Variants in CD226 observed in about 807,000 individuals in gnomAD.
CD226 encodes CD226 molecule.
Under a neutral mutation model 34.9 loss-of-function variants are expected in CD226, and 24 were observed. The observed-to-expected ratio is 0.69, with a 90% confidence interval of 0.50 to 0.97. The LOEUF is 0.97. CD226 is among the 50% of genes least tolerant of loss of function. The pLI is 0.00. For synonymous variants in CD226, 148 were observed against 147.4 expected, an observed-to-expected ratio of 1.00 and a Z score of -0.03; for missense variants, 397 against 412.7, an observed-to-expected ratio of 0.96 and a Z score of 0.33.
At position 69,924,942 on chromosome 18, in the gene CD226, ATTCGT is replaced by A. The variant is rs1363966103; in HGVS notation, c.382+21787_382+21791del. Among the ~76,000 whole-genome samples the A allele has an allele frequency of 2.6e-5, 4 of 152,310 alleles. No individual in the cohort carries two copies. In the South Asian group the frequency reaches 6.2e-4, roughly 24 times the overall value. The stretch of plus-strand genomic sequence containing the variant: ...ACAGAGTAACAAGGACACTAAAGGG[ATTCGT>A]TTCATCTTTTTGGAAAAAGTGATTA... On this transcript the variant is annotated intron_variant, in intron 2 of 5. Coordinates refer to ENST00000582621, the MANE Select transcript of CD226 (RefSeq NM_001303618.2).
intron 3 of CD226, among the ~76,000 whole-genome samples, chr18:69,891,578 T>C (rs1314452661): frequency 1.3e-5 from 2 of 152,106 alleles, no homozygotes; most frequent in Admixed American, 6.5e-5. Context: ...ATCATATATG[T>C]ATAAAACCCT....
intron 2 of CD226, among the ~76,000 whole-genome samples, chr18:69,907,339 T>C (rs1400583427): frequency 1.3e-5 from 2 of 152,316 alleles, no homozygotes; most frequent in South Asian, 2.1e-4. Flanking sequence ...GTTTTTCAGA[T>C]GGAGTCCCAC....
intron 3 of CD226, among the ~76,000 whole-genome samples, chr18:69,873,876 A>G (rs572153184): frequency 1.1e-3 from 164 of 152,356 alleles, no homozygotes; most frequent in Non-Finnish European, 2.0e-3. Flanking sequence ...ATGTAAAAAT[A>G]AATAAAATAG....
chr18:69,878,312 C>T (rs1568163444), intron 3 of CD226, among the ~76,000 whole-genome samples: 1 of 152,028 alleles, frequency 6.6e-6, no homozygotes. Context: ...AAGATAAATA[C>T]AGTTAAAACA....
chr18:69,864,300 T>C lies in CD226; in HGVS notation c.*14A>G, dbSNP rs200959714. 4.9e-4 allele frequency: 791 copies of C among 1,613,580 alleles called. No homozygotes were observed. The highest frequency in any genetic ancestry group is 5.5e-4 in the Non-Finnish European group (649 of 1,179,676). ...ATAAGAGTCATTACTAATGCACTCA[T>C]GTCAAGAATAAGCTTAAACTCTAGT... On this transcript the variant is annotated 3_prime_UTR_variant, in exon 6 of 6. Coordinates refer to ENST00000582621, the MANE Select transcript of CD226 (RefSeq NM_001303618.2).
At chr18:69,948,015 C>T (rs377385939), upstream of CD226, among the ~76,000 whole-genome samples, 44 of 152,224 alleles carry the variant, frequency 2.9e-4, no homozygotes, top group African/African-American at 9.9e-4. Flanking sequence ...AAAAACAGAT[C>T]AAAAGCCCAT....
chr18:69,956,381 T>G (rs560329743), intron 1 of CD226, among the ~76,000 whole-genome samples: 1 of 152,274 alleles, frequency 6.6e-6, no homozygotes, highest in East Asian at 1.9e-4. Flanking sequence ...ACATTTATTA[T>G]TTAAGTTCAT....
chr18:69,902,140 G>A (rs2055194321), intron 2 of CD226, among the ~76,000 whole-genome samples: 1 of 152,114 alleles, frequency 6.6e-6, no homozygotes, highest in South Asian at 2.1e-4. Context: ...CATTTTTCAT[G>A]CCAGAACACC....
At chr18:69,869,261 C>T (rs951997893) in intron 4 of CD226, among the ~76,000 whole-genome samples, 5 of 152,292 alleles carry the variant, frequency 3.3e-5, no homozygotes, top group South Asian at 2.1e-4. Flanking sequence ...CCTCAATACC[C>T]GTCAATGATA....
intron 2 of CD226, among the ~76,000 whole-genome samples, chr18:69,938,058 A>G (rs1355965228): frequency 6.6e-6 from 1 of 152,220 alleles, no homozygotes; most frequent in East Asian, 1.9e-4. Flanking sequence ...AAGGAGCCTC[A>G]TCCCACCTGG....
intron 2 of CD226, among the ~76,000 whole-genome samples, chr18:69,916,819 T>C (rs1295078666): frequency 6.6e-6 from 1 of 152,220 alleles, no homozygotes; most frequent in African/African-American, 2.4e-5. Context: ...TTAAGGGATG[T>C]TGAGAGAGCA....
chr18:69,871,697 G>A (rs988453174), intron 4 of CD226, among the ~76,000 whole-genome samples: 3 of 152,326 alleles, frequency 2.0e-5, no homozygotes, highest in African/African-American at 7.2e-5. Context: ...ACCAGATGGG[G>A]AGAGCAATGG....
intron 2 of CD226, among the ~76,000 whole-genome samples, chr18:69,910,895 A>G (rs1321526167): frequency 6.6e-6 from 1 of 152,188 alleles, no homozygotes; most frequent in Admixed American, 6.5e-5. Context: ...ATGGTAGAGC[A>G]GAAGGAATGT....
At chr18:69,928,534 G>A (rs2055551390) in intron 2 of CD226, among the ~76,000 whole-genome samples, 1 of 152,148 alleles carries the variant, frequency 6.6e-6, no homozygotes, top group African/African-American at 2.4e-5. Context: ...CCTGTTTTAG[G>A]GGTGGGACAA....
chr18:69,920,975 G>C (rs576394921), intron 2 of CD226, among the ~76,000 whole-genome samples: 265 of 152,278 alleles, frequency 1.7e-3, no homozygotes, highest in African/African-American at 6.2e-3. Flanking sequence ...ACTCAGCCCT[G>C]TGTATTTGTC....
chr18:69,873,489 A>G (rs1330986345), intron 3 of CD226, among the ~76,000 whole-genome samples: 1 of 152,218 alleles, frequency 6.6e-6, no homozygotes, highest in Middle Eastern at 3.4e-3. Flanking sequence ...ATTACAAAAA[A>G]AAAAAATATA....
chr18:69,897,703 G>A (rs779787153), intron 2 of CD226, among the ~76,000 whole-genome samples: 28 of 152,174 alleles, frequency 1.8e-4, no homozygotes, highest in Non-Finnish European at 3.8e-4. Context: ...AAGAAAAAAG[G>A]AAGGAAAGGA....
rs552189871 is a variant in CD226 at position 69,895,566 on chromosome 18, C to A, written c.727+135G>T. 8.7e-6 allele frequency: 6 copies of A among 687,144 alleles called. No homozygotes were observed. The South Asian group carries it at 1.1e-4, about 12-fold the overall frequency. The allele number at this position is 687,144 out of a possible 1,614,324, so 42.6% of individuals were successfully genotyped here. A position where few individuals can be genotyped will look rare whatever the true frequency, so the allele number is the denominator to read the frequency against. Reference sequence around the variant, plus strand: ...AATACTAGAATAATGGCCAACTCACCTAAATTCAGCCATTTAAAAAAATGC... The same window carrying A: ...AATACTAGAATAATGGCCAACTCACATAAATTCAGCCATTTAAAAAAATGC... On this transcript the variant is annotated intron_variant, in intron 3 of 5. Coordinates refer to ENST00000582621, the MANE Select transcript of CD226 (RefSeq NM_001303618.2).
At chr18:69,913,638 A>G (rs1176529284) in intron 2 of CD226, among the ~76,000 whole-genome samples, 2 of 152,200 alleles carry the variant, frequency 1.3e-5, no homozygotes, top group African/African-American at 4.8e-5. Context: ...ATTACTGTTT[A>G]AATTACAAGC....
Sources: allele counts gnomAD v4.1 joint callset (sites outside exome capture counted in the v4.1 genomes callset), GRCh38; gene constraint gnomAD v4.1.1; transcripts MANE v1.5; gene names NCBI Gene and HGNC (gene_info 2026-07-23, HGNC 2026-07-21).